Variants in ALK observed in about 807,000 individuals in gnomAD.
ALK encodes the protein ALK receptor tyrosine kinase, also known as ALK tyrosine kinase receptor.
Under a neutral mutation model 163.1 loss-of-function variants are expected in ALK, and 74 were observed. The ratio of observed to expected loss-of-function variants is 0.45; its 90% CI spans 0.38 to 0.55. ALK has a LOEUF of 0.55. Among genes scored for constraint, ALK ranks in the 20% least tolerant of loss-of-function variants. The pLI, the probability that ALK is intolerant of heterozygous loss-of-function variation, is 0.00. For synonymous variants in ALK, 960 were observed against 843.2 expected, an observed-to-expected ratio of 1.14 and a Z score of -2.40; for missense variants, 2,063 against 2,105.3, an observed-to-expected ratio of 0.98 and a Z score of 0.39.
chr2:29,783,509 G>A (rs189943341), intron 1 of ALK, among the ~76,000 whole-genome samples: 64 of 152,206 alleles, frequency 4.2e-4, no homozygotes, highest in Admixed American at 1.6e-3. Context: ...TTAGATCAAA[G>A]ACCCACAACT....
chr2:29,342,292 G>C (rs907293840), intron 5 of ALK, among the ~76,000 whole-genome samples: 2 of 152,188 alleles, frequency 1.3e-5, no homozygotes, highest in Non-Finnish European at 2.9e-5. Context: ...TCTAACACAT[G>C]CTTCCATATG....
intron 25 of ALK, among the ~76,000 whole-genome samples, chr2:29,209,145 A>G (rs557081260): frequency 1.1e-3 from 175 of 152,190 alleles, no homozygotes; most frequent in African/African-American, 4.1e-3. Flanking sequence ...AGGAAGTTCA[A>G]TAAAGCTCAC....
chr2:29,560,194 T>C (rs1673981553), intron 3 of ALK, among the ~76,000 whole-genome samples: 1 of 152,144 alleles, frequency 6.6e-6, no homozygotes. Flanking sequence ...AGAGTGGAAA[T>C]AACTCAAATG....
chr2:29,236,035 A>G (rs1371689887), intron 13 of ALK, among the ~76,000 whole-genome samples: 1 of 129,386 alleles, frequency 7.7e-6, no homozygotes, highest in Non-Finnish European at 1.8e-5. Context: ...TTTTTTTTAG[A>G]TACAGGGTCT....
intron 4 of ALK, among the ~76,000 whole-genome samples, chr2:29,426,167 C>A (rs1670130928): frequency 6.6e-6 from 1 of 152,154 alleles, no homozygotes; most frequent in South Asian, 2.1e-4. Flanking sequence ...CAAAGAGAAA[C>A]TTGTTAAAAG....
intron 4 of ALK, among the ~76,000 whole-genome samples, chr2:29,514,555 C>T (rs1057167393): frequency 1.3e-5 from 2 of 152,268 alleles, no homozygotes; most frequent in Non-Finnish European, 2.9e-5. Flanking sequence ...CACATCTTTC[C>T]TCCAAACTCC....
At chr2:29,885,769 G>A (rs1231080880) in intron 1 of ALK, among the ~76,000 whole-genome samples, 2 of 152,108 alleles carry the variant, frequency 1.3e-5, no homozygotes, top group Non-Finnish European at 2.9e-5. Flanking sequence ...CAGAAAAAGG[G>A]TTCTAATTAC....
At chr2:29,723,031 A>G (rs570974691) in intron 1 of ALK, among the ~76,000 whole-genome samples, 39 of 152,180 alleles carry the variant, frequency 2.6e-4, no homozygotes, top group South Asian at 6.2e-4. Flanking sequence ...CATTATTGCT[A>G]TGAGCTCAAA....
At chr2:29,836,731 T>C (rs1269293602) in intron 1 of ALK, among the ~76,000 whole-genome samples, 1 of 152,220 alleles carries the variant, frequency 6.6e-6, no homozygotes, top group Non-Finnish European at 1.5e-5. Flanking sequence ...AAAATCTATT[T>C]ACTTTCTACT....
intron 3 of ALK, among the ~76,000 whole-genome samples, chr2:29,567,188 C>T (rs1674215920): frequency 6.6e-6 from 1 of 152,164 alleles, no homozygotes; most frequent in South Asian, 2.1e-4. Flanking sequence ...CCAAAGGCAA[C>T]ACAGACCAGG....
intron 3 of ALK, among the ~76,000 whole-genome samples, chr2:29,641,797 T>A (rs1211973103): frequency 1.3e-5 from 2 of 152,152 alleles, no homozygotes; most frequent in Non-Finnish European, 2.9e-5. Context: ...GGCAGCAAAA[T>A]GTATAAGGGT....
intron 5 of ALK, among the ~76,000 whole-genome samples, chr2:29,344,327 T>C (rs1484691577): frequency 6.6e-6 from 1 of 152,196 alleles, no homozygotes; most frequent in East Asian, 1.9e-4. Context: ...GGCTCATGAC[T>C]GCTTGGACTA....
chr2:29,443,385 G>A (rs569275895), intron 4 of ALK, among the ~76,000 whole-genome samples: 97 of 152,288 alleles, frequency 6.4e-4, no homozygotes, highest in African/African-American at 1.4e-3. Context: ...GATGGGAGGC[G>A]GGCTGGATCT....
intron 2 of ALK, among the ~76,000 whole-genome samples, chr2:29,711,590 G>A (rs1226572772): frequency 6.6e-6 from 1 of 152,050 alleles, no homozygotes; most frequent in South Asian, 2.1e-4. Flanking sequence ...CTCTGTGTTG[G>A]TGGAGACGTG....
intron 4 of ALK, among the ~76,000 whole-genome samples, chr2:29,432,031 A>T (rs1670284763): frequency 6.6e-6 from 1 of 152,088 alleles, no homozygotes. Flanking sequence ...CTAGCACAGA[A>T]GAAACTTTGA....
chr2:29,797,004 A>ACC (rs759540810), intron 1 of ALK, among the ~76,000 whole-genome samples: 13 of 145,566 alleles, frequency 8.9e-5, no homozygotes, highest in Admixed American at 2.8e-4. Flanking sequence ...GCACACCCAC[A>ACC]CACACACACA....
At chr2:29,752,382 C>G (rs181936090) in intron 1 of ALK, among the ~76,000 whole-genome samples, 1 of 140,058 alleles carries the variant, frequency 7.1e-6, no homozygotes, top group Non-Finnish European at 1.5e-5. Context: ...CGGAGTTTCG[C>G]TCTGTCGCCC....
intron 5 of ALK, among the ~76,000 whole-genome samples, chr2:29,357,166 A>C (rs1319013807): frequency 2.6e-5 from 4 of 152,240 alleles, no homozygotes; most frequent in Non-Finnish European, 5.9e-5. Context: ...CATGGGTTAT[A>C]GTGAGGAATA....
intron 1 of ALK, 96 bp from the exon 2 acceptor site, chr2:29,717,793 C>T: frequency 2.0e-6 from 3 of 1,534,246 alleles, no homozygotes; most frequent in Admixed American, 1.7e-5. Context: ...TTATAAGGGG[C>T]TTTCATGACA....
Sources: gnomAD v4.1 joint callset for allele counts (sites outside exome capture counted in the v4.1 genomes callset) on GRCh38, gnomAD v4.1.1 for gene constraint, MANE v1.5 for transcripts, NCBI Gene and HGNC (gene_info 2026-07-23, HGNC 2026-07-21) for gene names.